CRADD: variants seen among roughly 807,000 people sequenced by gnomAD.
CRADD encodes CARD and death domain containing adaptor protein.
A neutral mutation model predicts 15.5 loss-of-function variants in CRADD; 9 were observed. The ratio of observed to expected loss-of-function variants is 0.58; its 90% confidence interval spans 0.35 to 1.01. The LOEUF (loss-of-function observed/expected upper bound fraction) is 1.01. Among genes scored for constraint, CRADD ranks in the 50% least tolerant of loss-of-function variants. The probability of loss-of-function intolerance (pLI) is 0.02; values close to 1 mark genes in which losing one functional copy is unlikely to be tolerated. For synonymous variants in CRADD, 118 were observed against 107.6 expected, an observed-to-expected ratio of 1.10 and a Z score of -0.60; for missense variants, 227 against 250.3, an observed-to-expected ratio of 0.91 and a Z score of 0.63.
At chr12:93,729,785 C>CAA (rs55852003) in intron 2 of CRADD, among the ~76,000 whole-genome samples, 209 of 75,484 alleles carry the variant, frequency 2.8e-3, no homozygotes, top group African/African-American at 7.7e-3. Flanking sequence ...GACTCCGTCT[C>CAA]AAAAAAAAAA....
At chr12:93,797,728 C>T (rs959146287) in intron 2 of CRADD, among the ~76,000 whole-genome samples, 1 of 152,108 alleles carries the variant, frequency 6.6e-6, no homozygotes, top group African/African-American at 2.4e-5. Context: ...AATTCTATTA[C>T]AATTTTTTTA....
intron 2 of CRADD, among the ~76,000 whole-genome samples, chr12:93,823,513 G>A (rs942957732): frequency 1.3e-5 from 2 of 152,112 alleles, no homozygotes; most frequent in Non-Finnish European, 1.5e-5. Context: ...TCATTAATTG[G>A]TTGGATCAAC....
intron 2 of CRADD, among the ~76,000 whole-genome samples, chr12:93,884,791 C>T (rs2137075382): frequency 6.6e-6 from 1 of 152,206 alleles, no homozygotes; most frequent in East Asian, 1.9e-4. Flanking sequence ...AATTCTGCAA[C>T]AAAATGACAG....
intron 2 of CRADD, among the ~76,000 whole-genome samples, chr12:93,893,085 T>C (rs1958588156): frequency 1.3e-5 from 2 of 152,178 alleles, no homozygotes; most frequent in African/African-American, 4.8e-5. Context: ...CTTTTTTACC[T>C]TCCAGGGAGC....
chr12:93,701,022 T>C (rs1215692933), intron 2 of CRADD, among the ~76,000 whole-genome samples: 1 of 151,870 alleles, frequency 6.6e-6, no homozygotes, highest in Non-Finnish European at 1.5e-5. Context: ...ATTGGACAAA[T>C]GGCAAGTGCT....
intron 2 of CRADD, among the ~76,000 whole-genome samples, chr12:93,844,534 T>C (rs758332379): frequency 3.7e-4 from 57 of 152,180 alleles, no homozygotes; most frequent in African/African-American, 1.3e-3. Flanking sequence ...CTCCCAGTTA[T>C]GTGGCCCTAT....
intron 2 of CRADD, among the ~76,000 whole-genome samples, chr12:93,772,609 A>G (rs957770322): frequency 6.6e-6 from 1 of 152,178 alleles, no homozygotes; most frequent in Non-Finnish European, 1.5e-5. Context: ...ACTCTTAATG[A>G]TGTTAGATTG....
intron 2 of CRADD, among the ~76,000 whole-genome samples, chr12:93,858,624 C>T (rs1469577739): frequency 6.6e-6 from 1 of 152,216 alleles, no homozygotes; most frequent in African/African-American, 2.4e-5. Flanking sequence ...CGCTCTGTCT[C>T]TCACCCCTCA....
At chr12:93,696,151 A>C (rs1037568819) in intron 2 of CRADD, among the ~76,000 whole-genome samples, 3 of 152,244 alleles carry the variant, frequency 2.0e-5, no homozygotes, top group Admixed American at 2.0e-4. Context: ...AATGTGAATC[A>C]GTATAGTCAT....
chr12:93,678,632 A>T (rs965203066), intron 1 of CRADD, 137 bp from the exon 2 acceptor site: 9 of 827,706 alleles, frequency 1.1e-5, no homozygotes, highest in Non-Finnish European at 1.7e-5. Flanking sequence ...TTAATCAGTG[A>T]ATTAAATACC....
chr12:93,781,665 C>G (rs998889448), intron 2 of CRADD, among the ~76,000 whole-genome samples: 11 of 152,168 alleles, frequency 7.2e-5, no homozygotes, highest in African/African-American at 2.7e-4. Context: ...GTATTCTTAC[C>G]CACATCCCCT....
chr12:93,873,781 A>T (rs1349789375), intron 2 of CRADD, among the ~76,000 whole-genome samples: 1 of 152,114 alleles, frequency 6.6e-6, no homozygotes, highest in South Asian at 2.1e-4. Context: ...GTGATGAATG[A>T]TCTTTCTAAT....
chr12:93,735,267 C>T (rs1027765123), intron 2 of CRADD, among the ~76,000 whole-genome samples: 3 of 152,088 alleles, frequency 2.0e-5, no homozygotes, highest in African/African-American at 4.8e-5. Flanking sequence ...AGGCAGCTTA[C>T]GAAATGGGGC....
At chr12:93,775,886 G>A (rs947054354) in intron 2 of CRADD, among the ~76,000 whole-genome samples, 9 of 152,116 alleles carry the variant, frequency 5.9e-5, no homozygotes, top group African/African-American at 1.7e-4. Context: ...ACTCTAGGAC[G>A]TATTTGTATT....
intron 2 of CRADD, among the ~76,000 whole-genome samples, chr12:93,687,616 G>A (rs774595412): frequency 3.3e-5 from 5 of 152,202 alleles, no homozygotes; most frequent in African/African-American, 7.2e-5. Flanking sequence ...GGTTAGGAGC[G>A]TGCCTCCTTC....
chr12:93,802,269 G>A (rs1277494086), intron 2 of CRADD, among the ~76,000 whole-genome samples: 2 of 152,142 alleles, frequency 1.3e-5, no homozygotes. Context: ...ATCTCTATAC[G>A]TTTTCCATAG....
intron 2 of CRADD, among the ~76,000 whole-genome samples, chr12:93,848,168 C>CCGG (rs1836445153): frequency 1.3e-5 from 2 of 151,580 alleles, no homozygotes; most frequent in African/African-American, 4.9e-5. Flanking sequence ...TTTTAATGAG[C>CCGG]CTATGTTTTT....
At chr12:93,689,708 A>G (rs1385745970) in intron 2 of CRADD, among the ~76,000 whole-genome samples, 8 of 152,194 alleles carry the variant, frequency 5.3e-5, no homozygotes, top group Non-Finnish European at 1.2e-4. Context: ...GAGATGTACT[A>G]AGTGACAAAT....
chr12:93,864,570 G>T (rs1958347641), intron 2 of CRADD, among the ~76,000 whole-genome samples: 1 of 152,292 alleles, frequency 6.6e-6, no homozygotes, highest in South Asian at 2.1e-4. Context: ...CTCTTTGCTG[G>T]ATCCAAAGTC....
Sources: allele counts gnomAD v4.1 joint callset (sites outside exome capture counted in the v4.1 genomes callset), GRCh38; gene constraint gnomAD v4.1.1; transcripts MANE v1.5; gene names NCBI Gene and HGNC (gene_info 2026-07-23, HGNC 2026-07-21).